XRN2: variants seen among roughly 807,000 people sequenced by gnomAD.
XRN2 encodes the protein DHM1-like protein.
Under a neutral mutation model 138.5 loss-of-function variants are expected in XRN2, and 44 were observed. The ratio of observed to expected loss-of-function variants is 0.32; its 90% CI spans 0.25 to 0.41. The LOEUF is 0.41. XRN2 is among the 10% of genes least tolerant of loss of function. XRN2 has a pLI of 1.00. For synonymous variants in XRN2, 354 were observed against 369.4 expected (o/e 0.96, Z 0.48); for missense variants, 937 against 1,169.3 (o/e 0.80, Z 2.90).
At chr20:21,309,634 T>C (rs1340682866) in intron 1 of XRN2, among the ~76,000 whole-genome samples, 1 of 152,146 alleles carries the variant, frequency 6.6e-6, no homozygotes, top group Admixed American at 6.5e-5. Flanking sequence ...AGCCAAAAGA[T>C]TGGACACCCC....
At chr20:21,355,219 C>G (rs1013794106) in intron 21 of XRN2, among the ~76,000 whole-genome samples, 21 of 152,154 alleles carry the variant, frequency 1.4e-4, no homozygotes, top group Non-Finnish European at 2.1e-4. Context: ...CTACCTTCTT[C>G]CCTACTCCTC....
intron 1 of XRN2, among the ~76,000 whole-genome samples, chr20:21,310,477 C>G (rs2037864655): frequency 1.3e-5 from 2 of 152,054 alleles, no homozygotes; most frequent in Admixed American, 1.3e-4. Context: ...TTTTGAAGCT[C>G]TTTTATTAGG....
chr20:21,373,614 G>A (rs1357070668), intron 27 of XRN2, among the ~76,000 whole-genome samples: 1 of 152,196 alleles, frequency 6.6e-6, no homozygotes, highest in Non-Finnish European at 1.5e-5. Context: ...GAGAGTTCTG[G>A]TTGCTTCATG....
At chr20:21,354,251 G>A (rs547885797) in intron 20 of XRN2, among the ~76,000 whole-genome samples, 1 of 152,004 alleles carries the variant, frequency 6.6e-6, no homozygotes, top group African/African-American at 2.4e-5. Flanking sequence ...AAATTTTTTT[G>A]TATATAAATT....
intron 4 of XRN2, among the ~76,000 whole-genome samples, chr20:21,329,856 G>GGTGTGTGTGT (rs60020864): frequency 3.5e-4 from 51 of 146,008 alleles, no homozygotes; most frequent in African/African-American, 1.1e-3. Context: ...GCCTCTAACT[G>GGTGTGTGTGT]GTGTGTGTGT....
chr20:21,326,166 TTGAAG>T, intron 1 of XRN2, 108 bp from the exon 2 acceptor site: 1 of 1,045,172 alleles, frequency 9.6e-7, no homozygotes, highest in Non-Finnish European at 1.4e-6. Context: ...TAAAGGTTAC[TTGAAG>T]TGTTTTATTT....
chr20:21,313,232 AAGTT>A (rs2037907840), intron 1 of XRN2, among the ~76,000 whole-genome samples: 1 of 152,200 alleles, frequency 6.6e-6, no homozygotes, highest in Non-Finnish European at 1.5e-5. Context: ...AATTTGGTGT[AAGTT>A]AACACACTAC....
chr20:21,328,795 G>A (rs1335230654), intron 4 of XRN2, 125 bp downstream of exon 4: 3 of 813,344 alleles, frequency 3.7e-6, no homozygotes, highest in Non-Finnish European at 5.8e-6. Context: ...AATATCCAGT[G>A]TTCACTGTTG....
Position 21,356,594 on chromosome 20 carries a change from G to A in XRN2, c.2127G>A (p.Glu709=). Residue 709 remains glutamate, a synonymous_variant, in exon 23 of 30, where the codon GAG becomes GAA. Coordinates refer to ENST00000377191, the MANE Select transcript of XRN2 (RefSeq NM_012255.5). The part of the protein sequence containing the change: ...LYQTGSTEPV[E]VPPELCHGIQ... ...AATGCATTTTTCCACAGCCAGTGGA[G>A]GTACCCCCTGAACTATGTCATGGGA... 2 of 1,613,020 alleles carry A rather than the reference G, an allele frequency of 1.2e-6. No homozygotes were observed. Among genetic ancestry groups the A allele is most frequent in the Non-Finnish European group, 1.7e-6 (2 of 1,179,510 alleles).
intron 20 of XRN2, among the ~76,000 whole-genome samples, chr20:21,354,243 AT>A (rs1028537878): frequency 5.3e-5 from 8 of 152,140 alleles, no homozygotes; most frequent in Admixed American, 6.5e-5. Flanking sequence ...AGTCTTTAAA[AT>A]TTTTTTGTAT....
At chr20:21,353,040 C>T (rs1433545705) in intron 20 of XRN2, among the ~76,000 whole-genome samples, 3 of 151,266 alleles carry the variant, frequency 2.0e-5, no homozygotes, top group African/African-American at 7.3e-5. Context: ...GATTTTCTTG[C>T]TGTTGAGTAG....
intron 1 of XRN2, among the ~76,000 whole-genome samples, chr20:21,325,785 A>G (rs971975494): frequency 6.6e-6 from 1 of 152,228 alleles, no homozygotes; most frequent in Non-Finnish European, 1.5e-5. Flanking sequence ...TGTTTTAGAA[A>G]GAGAACTCTG....
At chr20:21,353,337 G>A (rs1437026379) in intron 20 of XRN2, among the ~76,000 whole-genome samples, 1 of 148,876 alleles carries the variant, frequency 6.7e-6, no homozygotes, top group Non-Finnish European at 1.5e-5. Context: ...TCTCTTAAGT[G>A]TATGACTAAA....
In XRN2 at chr20:21,304,816, C is replaced by G. The variant is rs576157107; in HGVS notation, c.75+1343C>G. ...TGACTCAATGCTTTCTAAGGTCGATCTTAGCTTTTCTTCCCTTTCACCTCA... is the reference window on the plus strand; with the variant it reads ...TGACTCAATGCTTTCTAAGGTCGATGTTAGCTTTTCTTCCCTTTCACCTCA... On this transcript the variant is annotated intron_variant, in intron 1 of 29. Transcript: ENST00000377191. Among the ~76,000 whole-genome samples the G allele has an allele frequency of 2.0e-5, 3 of 152,302 alleles. No homozygotes were observed. In the East Asian group the frequency reaches 5.8e-4, roughly 29 times the overall value.
At chr20:21,378,301 T>C (rs1298499188) in intron 27 of XRN2, among the ~76,000 whole-genome samples, 1 of 152,212 alleles carries the variant, frequency 6.6e-6, no homozygotes, top group Non-Finnish European at 1.5e-5. Context: ...ACTGTAAGTT[T>C]CTGAGCCTCC....
chr20:21,330,298 A>C (rs945727180), intron 4 of XRN2, among the ~76,000 whole-genome samples, 183 bp from the exon 5 acceptor site: 2 of 152,100 alleles, frequency 1.3e-5, no homozygotes, highest in African/African-American at 4.8e-5. Flanking sequence ...AATAATAATA[A>C]TAATAATTTA....
intron 1 of XRN2, among the ~76,000 whole-genome samples, chr20:21,321,888 A>G (rs2038051123): frequency 6.6e-6 from 1 of 152,206 alleles, no homozygotes; most frequent in Non-Finnish European, 1.5e-5. Context: ...ATGATGATCA[A>G]TGTCACACAC....
chr20:21,360,959 A>T (rs1190599253), intron 24 of XRN2, among the ~76,000 whole-genome samples: 2 of 152,342 alleles, frequency 1.3e-5, no homozygotes, highest in East Asian at 3.9e-4. Context: ...TTGCCTTTGT[A>T]TGCCAATTTA....
At chr20:21,329,787 A>G (rs1185255532) in intron 4 of XRN2, among the ~76,000 whole-genome samples, 3 of 150,704 alleles carry the variant, frequency 2.0e-5, no homozygotes, top group Non-Finnish European at 2.9e-5. Context: ...TGAACTCGGC[A>G]TTTTAAATTT....
Sources: gnomAD v4.1 joint callset for allele counts (sites outside exome capture counted in the v4.1 genomes callset) on GRCh38, gnomAD v4.1.1 for gene constraint, MANE v1.5 for transcripts, NCBI Gene and HGNC (gene_info 2026-07-23, HGNC 2026-07-21) for gene names.